AMZ1: variants seen among roughly 807,000 people sequenced by gnomAD.
AMZ1 encodes archaelysin family metallopeptidase 1, also known as archaemetzincin-1.
AMZ1 carries 39 observed loss-of-function variants against 29.9 expected under a neutral mutation model. The ratio of observed to expected loss-of-function variants is 1.30; its 90% CI spans 1.01 to 1.70. AMZ1 has a LOEUF of 1.70. Among genes scored for constraint, AMZ1 ranks in the 40% most tolerant of loss-of-function variants. The pLI is 0.00. For missense variants in AMZ1, 1,041 were observed against 680.6 expected, an observed-to-expected ratio of 1.53 and a Z score of -5.89; for synonymous variants, 458 against 304.0, an observed-to-expected ratio of 1.51 and a Z score of -5.27.
rs1562376048 is a variant in AMZ1 at position 2,712,513 on chromosome 7, G to GC, written c.1134dup (p.Ser379LeufsTer30). On this transcript the variant is annotated frameshift_variant, in exon 7 of 7. Transcript: ENST00000683327. LOFTEE classifies it low-confidence loss of function (END_TRUNC). ...CCCTGATGCCGGGAGTCACACCTTC[G>GC]CCTCGGGGCCAGAGGAAGGGCTGAG... 1 of 1,608,268 alleles carries GC rather than the reference G, an allele frequency of 6.2e-7. No homozygotes were observed. The highest frequency in any genetic ancestry group is 8.5e-7 in the Non-Finnish European group (1 of 1,177,748).
In AMZ1 at chr7:2,718,675, A is replaced by G. The variant is rs798560; in HGVS notation, c.*5797A>G. Among the ~76,000 whole-genome samples, 38,440 of 152,086 alleles carry G rather than the reference A, an allele frequency of 0.25. 5,297 individuals carry two copies. Among genetic ancestry groups the G allele is most frequent in the Non-Finnish European group, 0.29 (19,669 of 67,954 alleles). ...TGGACTCTTCACCATTTCTTCCAAC[A>G]CTTTCTCACGTAGGAGCTCCACTGT... is the stretch of plus-strand genomic sequence containing the variant. On this transcript the variant is annotated 3_prime_UTR_variant, in exon 7 of 7. Transcript: ENST00000683327.
intron 4 of AMZ1, among the ~76,000 whole-genome samples, chr7:2,738,328 A>C (rs2115315805): frequency 6.6e-6 from 1 of 152,234 alleles, no homozygotes; most frequent in East Asian, 1.9e-4. Context: ...GCAGAAATAC[A>C]AAGTGACGCA....
At chr7:2,745,426 A>G (rs867458800) in intron 4 of AMZ1, among the ~76,000 whole-genome samples, 2 of 152,356 alleles carry the variant, frequency 1.3e-5, no homozygotes, top group East Asian at 1.9e-4. Context: ...ACTAAGCTTC[A>G]TAAGTGAAGG....
chr7:2,717,006 G>GAGAGT lies in AMZ1; in HGVS notation c.*4130_*4134dup, dbSNP rs1789163055. ...CAAGCTGGAGCGGTCTGAGCAGGAA[G>GAGAGT]AGAGTAAGAAGGCGCACGGACGCGG... On this transcript the variant is annotated 3_prime_UTR_variant, in exon 7 of 7. Transcript: ENST00000683327. 6.6e-6 allele frequency among the ~76,000 whole-genome samples: 1 copy of GAGAGT among 152,234 alleles called. No individual in the cohort carries two copies. Among genetic ancestry groups the GAGAGT allele is most frequent in the African/African-American group, 2.4e-5 (1 of 41,462 alleles).
chr7:2,742,681 A>AT (rs943112848), intron 4 of AMZ1, among the ~76,000 whole-genome samples: 2 of 152,152 alleles, frequency 1.3e-5, no homozygotes, highest in African/African-American at 4.8e-5. Context: ...CAGAGTTTTG[A>AT]TTTTGAATGA....
At chr7:2,689,370 T>TGGAG (rs140900828) in intron 1 of AMZ1, among the ~76,000 whole-genome samples, 1 of 149,566 alleles carries the variant, frequency 6.7e-6, no homozygotes, top group African/African-American at 2.4e-5. Context: ...AGAACCTCCC[T>TGGAG]GGGGGGGGGA....
At position 2,719,005 on chromosome 7, in the gene AMZ1, C is replaced by T. The variant is rs115833156; in HGVS notation, c.*6127C>T. Among the ~76,000 whole-genome samples the T allele has an allele frequency of 0.011, 1,484 of 131,744 alleles. 24 individuals are homozygous for T. The highest frequency in any genetic ancestry group is 0.042 in the African/African-American group (1,394 of 33,340). The allele number at this position is 131,744 out of a possible 152,430, so 86.4% of individuals were successfully genotyped here. ...GAGGGAGGGAAGCTGCAAGAACAGG[C>T]GACTTTTTTTTTTTTTTTTCCCCCC... On this transcript the variant is annotated 3_prime_UTR_variant, in exon 7 of 7. Transcript: ENST00000683327.
chr7:2,763,662 T>TAAGG (rs1215018857), upstream of AMZ1, among the ~76,000 whole-genome samples: 1 of 152,224 alleles, frequency 6.6e-6, no homozygotes, highest in Non-Finnish European at 1.5e-5. Context: ...GACAAGCATC[T>TAAGG]AAGGAAGATC....
At chr7:2,749,612 G>A (rs569911579) in intron 4 of AMZ1, among the ~76,000 whole-genome samples, 1 of 151,962 alleles carries the variant, frequency 6.6e-6, no homozygotes, top group East Asian at 1.9e-4. Context: ...GTATACATAT[G>A]TAACAAACCT....
chr7:2,686,701 G>A (rs1026685045), upstream of AMZ1, among the ~76,000 whole-genome samples: 11 of 151,694 alleles, frequency 7.3e-5, no homozygotes, highest in African/African-American at 2.7e-4. Flanking sequence ...ACCTAGTGTT[G>A]TGTTGTTTTT....
At chr7:2,752,734 G>A (rs756107167) in intron 4 of AMZ1, among the ~76,000 whole-genome samples, 5 of 151,634 alleles carry the variant, frequency 3.3e-5, no homozygotes, top group Non-Finnish European at 4.4e-5. Flanking sequence ...TTTTTTTGCC[G>A]TAACTTTTCA....
intron 4 of AMZ1, chr7:2,728,784 T>C (rs1789735742): frequency 6.6e-6 from 1 of 152,364 alleles, no homozygotes. Flanking sequence ...CCAATTACAA[T>C]GTGTTACAGA....
upstream of AMZ1, chr7:2,762,789 G>T (rs756535712): frequency 6.5e-6 from 10 of 1,540,032 alleles, no homozygotes; most frequent in Middle Eastern, 5.0e-4. Context: ...GTACAAAAGG[G>T]AGGAGGAGCA....
At position 2,731,853 on chromosome 7, in the gene AMZ1, T is replaced by G. The variant is rs1789913446; in HGVS notation, n.550+22037T>G. 1.6e-6 allele frequency: 1 copy of G among 615,342 alleles called. No individual in the cohort carries two copies. 38.1% of individuals were successfully genotyped at this position (615,342 alleles called of 1,614,324 possible). On this transcript the variant is annotated intron_variant and non_coding_transcript_variant, in intron 4 of 4. Coordinates refer to the AMZ1 transcript ENST00000489665. The surrounding 1 kb of genome is among the most constrained non-coding windows in gnomAD (Gnocchi z 6.0). ...AAGATAAGAAGGAAAGAGACTGACT[T>G]TTGCAACAGGTTGAACCAGAAACCA...
intron 4 of AMZ1, among the ~76,000 whole-genome samples, chr7:2,727,222 C>T (rs1562386297): frequency 6.6e-6 from 1 of 152,044 alleles, no homozygotes; most frequent in Non-Finnish European, 1.5e-5. Flanking sequence ...GCTAGGATTA[C>T]AGGCGCCCAC....
At chr7:2,764,317 G>C (rs116651857), upstream of AMZ1, among the ~76,000 whole-genome samples, 343 of 151,728 alleles carry the variant, frequency 2.3e-3, 1 homozygote, top group African/African-American at 7.8e-3. Flanking sequence ...TCCTAGGCTG[G>C]AGTGATCCTC....
In AMZ1 at chr7:2,713,113, A is replaced by T; in HGVS notation, c.*235A>T. 2.5e-6 allele frequency: 1 copy of T among 399,680 alleles called. No homozygotes were observed. Among genetic ancestry groups the T allele is most frequent in the Non-Finnish European group, 4.3e-6 (1 of 230,582 alleles). The allele number at this position is 399,680 out of a possible 1,614,324, so 24.8% of individuals were successfully genotyped here. ...AAAAATTAGCTGGATGAAGTGGTTC[A>T]TGCCTGTGTTCCCAGCTATTCAGGA... On this transcript the variant is annotated 3_prime_UTR_variant, in exon 7 of 7. Coordinates refer to ENST00000683327, the MANE Select transcript of AMZ1 (RefSeq NM_001384743.1).
At chr7:2,696,011 G>C (rs1373251784) in intron 1 of AMZ1, among the ~76,000 whole-genome samples, 1 of 115,006 alleles carries the variant, frequency 8.7e-6, no homozygotes, top group Non-Finnish European at 1.9e-5. Context: ...TGTCTTGGGG[G>C]GGAAAAAAAA....
chr7:2,753,916 A>G (rs954897957), intron 4 of AMZ1, among the ~76,000 whole-genome samples: 3 of 152,130 alleles, frequency 2.0e-5, no homozygotes, highest in African/African-American at 7.2e-5. Context: ...GGGAGAGCTC[A>G]TGTATGGGTT....
Sources: allele counts gnomAD v4.1 joint callset (sites outside exome capture counted in the v4.1 genomes callset), GRCh38; gene constraint gnomAD v4.1.1; non-coding constraint Gnocchi (gnomAD v3.1); transcripts MANE v1.5; gene names NCBI Gene and HGNC (gene_info 2026-07-23, HGNC 2026-07-21).